The following LVRN variants were observed in gnomAD, a reference collection of about 807,000 sequenced individuals.
LVRN encodes laeverin, also known as aminopeptidase Q.
In LVRN, 99 loss-of-function variants were observed where a neutral mutation model predicts 111.4. That is an observed-to-expected ratio of 0.89 (90% CI 0.76 to 1.05). LVRN has a LOEUF of 1.05. LVRN is among the 50% of genes least tolerant of loss of function. The pLI, the probability that LVRN is intolerant of heterozygous loss-of-function variation, is 0.00. For synonymous variants in LVRN, 488 were observed against 449.5 expected (o/e 1.09, Z -1.08); for missense variants, 1,414 against 1,206.8 (o/e 1.17, Z -2.54).
At chr5:115,991,620 C>A (rs1326107155) in intron 4 of LVRN, among the ~76,000 whole-genome samples, 1 of 152,148 alleles carries the variant, frequency 6.6e-6, no homozygotes, top group African/African-American at 2.4e-5. Flanking sequence ...TTTTGCATCC[C>A]CACGAGCAAT....
chr5:115,993,372 T>G (rs1409960288), intron 5 of LVRN, among the ~76,000 whole-genome samples: 2 of 152,224 alleles, frequency 1.3e-5, no homozygotes, highest in Non-Finnish European at 2.9e-5. Context: ...TATAAGGTGC[T>G]AGAATTAGTA....
At chr5:116,017,618 AGATC>A (rs1438406583) in intron 18 of LVRN, among the ~76,000 whole-genome samples, 2 of 152,232 alleles carry the variant, frequency 1.3e-5, no homozygotes, top group African/African-American at 4.8e-5. Context: ...ATCTAGAATC[AGATC>A]AATCTTAGGA....
rs920381186 is a variant in LVRN at position 116,027,173 on chromosome 5, G to T, written c.*1055G>T. 1.3e-5 allele frequency: 2 copies of T among 152,122 alleles called. No individual in the cohort carries two copies. Among genetic ancestry groups the T allele is most frequent in the African/African-American group, 2.4e-5 (1 of 41,430 alleles). The allele number at this position is 152,122 out of a possible 1,614,324, so 9.4% of individuals were successfully genotyped here. ...GTTTTCTCATGCTTGATTAAAACAAGACAACTAAAGCTAATCATTCCTCTT... is the reference window on the plus strand; with the variant it reads ...GTTTTCTCATGCTTGATTAAAACAATACAACTAAAGCTAATCATTCCTCTT... On this transcript the variant is annotated 3_prime_UTR_variant, in exon 20 of 20. Coordinates refer to ENST00000357872, the MANE Select transcript of LVRN (RefSeq NM_173800.5).
chr5:116,005,254 A>G (rs920361834), intron 12 of LVRN, among the ~76,000 whole-genome samples: 5 of 152,244 alleles, frequency 3.3e-5, no homozygotes, highest in African/African-American at 7.2e-5. Context: ...TGAACCAAAC[A>G]TATCACAGTG....
In LVRN at chr5:116,001,205, G is replaced by A; in HGVS notation, c.1786G>A (p.Glu596Lys). ...GVMKQEPFYL[E>K]NIKNRTLLTS... is the part of the protein sequence containing the mutation. The stretch of plus-strand genomic sequence containing the variant: ...CATGAAACAGGAGCCATTTTATCTT[G>A]AAAACATTAAAAATCGGACTCTTCT... Residue 596 changes from glutamate (E) to lysine (K), a missense_variant, in exon 10 of 20, where the codon GAA becomes AAA. By Grantham distance (56) the Glu-to-Lys change is moderately conservative. Coordinates refer to ENST00000357872, the MANE Select transcript of LVRN (RefSeq NM_173800.5). The A allele has an allele frequency of 6.2e-7, 1 of 1,613,664 alleles. No individual in the cohort carries two copies. Among genetic ancestry groups the A allele is most frequent in the South Asian group, 1.1e-5 (1 of 90,948 alleles).
At position 115,984,639 on chromosome 5, in the gene LVRN, T is replaced by G. The variant is rs983564219; in HGVS notation, c.908T>G (p.Met303Arg). The stretch of plus-strand genomic sequence containing the variant: ...ACAACCTTTTCCACTACGCCCCACA[T>G]GCCAACTTACTTAGTCGCATTTGTT... The part of the protein sequence containing the change: ...TVTTFSTTPH[M>R]PTYLVAFVIC... The change falls in exon 3 of 20, where the codon ATG becomes AGG. Residue 303 changes from methionine (M) to arginine (R), a missense_variant. Met to Arg is a moderately conservative substitution (Grantham distance 91, BLOSUM62 -1). Transcript: ENST00000357872. 1 of 1,613,720 alleles carries G rather than the reference T, an allele frequency of 6.2e-7. No homozygotes were observed.
In LVRN at chr5:115,993,995, CT is replaced by C. The variant is rs1210139926; in HGVS notation, c.1374+146del. On this transcript the variant is annotated intron_variant, in intron 6 of 19. Coordinates refer to ENST00000357872, the MANE Select transcript of LVRN (RefSeq NM_173800.5). The stretch of plus-strand genomic sequence containing the variant: ...TAATACCAAAAATAATTTGTGTTAG[CT>C]TTTTGATATTTTTTTTTAATTCCAG... 6.3e-5 allele frequency: 31 copies of C among 491,062 alleles called. 1 individual carries two copies. The highest frequency in any genetic ancestry group is 4.4e-5 in the Non-Finnish European group (13 of 294,638). 30.4% of individuals were successfully genotyped at this position (491,062 alleles called of 1,614,324 possible).
chr5:115,974,350 C>A (rs7712233), intron 1 of LVRN, among the ~76,000 whole-genome samples: 85,489 of 152,018 alleles, frequency 0.56, 24,963 homozygotes, highest in East Asian at 0.74. Flanking sequence ...ATAGTAAAAG[C>A]GTAACACCTA....
In LVRN at chr5:116,022,410, A is replaced by T; in HGVS notation, c.2776A>T (p.Ile926Phe). ...VSKRYGTQSL[I>F]NLIYTIGRTV... ...TTGTAGGTATGGAACACAATCATTGATTAATCTAATATATACAATAGGGAG... is the reference window on the plus strand; with the variant it reads ...TTGTAGGTATGGAACACAATCATTGTTTAATCTAATATATACAATAGGGAG... Residue 926 changes from isoleucine to phenylalanine, a missense_variant, in exon 19 of 20, where the codon ATT (isoleucine) becomes TTT (phenylalanine). Physicochemically the swap from Ile to Phe is conservative, Grantham distance 21 (BLOSUM62 0). Coordinates refer to ENST00000357872, the MANE Select transcript of LVRN (RefSeq NM_173800.5). 1 of 1,581,736 alleles carries T rather than the reference A, an allele frequency of 6.3e-7. No individual in the cohort carries two copies. The highest frequency in any genetic ancestry group is 8.6e-7 in the Non-Finnish European group (1 of 1,157,502).
intron 10 of LVRN, among the ~76,000 whole-genome samples, 190 bp from the exon 11 acceptor site, chr5:116,002,642 AAAC>A (rs1748260903): frequency 6.6e-6 from 1 of 152,236 alleles, no homozygotes; most frequent in African/African-American, 2.4e-5. Context: ...AGAGAGGAGT[AAAC>A]AATAGCCAAA....
chr5:116,003,521 C>T, intron 12 of LVRN, 141 bp downstream of exon 12: 2 of 461,196 alleles, frequency 4.3e-6, no homozygotes, highest in South Asian at 6.0e-5. Flanking sequence ...ATTTTTTTTT[C>T]TTATTCTTAA....
intron 6 of LVRN, among the ~76,000 whole-genome samples, chr5:115,996,557 G>T (rs773107265): frequency 1.1e-4 from 16 of 152,278 alleles, no homozygotes; most frequent in Non-Finnish European, 1.6e-4. Flanking sequence ...CTAGTAATGT[G>T]ATTGAAATTG....
At chr5:115,968,437 C>CTT (rs5870675) in intron 1 of LVRN, among the ~76,000 whole-genome samples, 1 of 131,552 alleles carries the variant, frequency 7.6e-6, no homozygotes, top group Admixed American at 7.6e-5. Context: ...GTTCCCCACC[C>CTT]TTTTTTTTTT....
chr5:116,003,406 T>G, intron 12 of LVRN, 26 bp downstream of exon 12: 1 of 1,301,082 alleles, frequency 7.7e-7, no homozygotes, highest in Non-Finnish European at 1.0e-6. Context: ...ATACTTTTAA[T>G]TAAATATAAT....
chr5:115,967,393 A>C (rs1326752264), intron 1 of LVRN, among the ~76,000 whole-genome samples: 8 of 152,196 alleles, frequency 5.3e-5, no homozygotes, highest in Non-Finnish European at 1.5e-5. Context: ...TGAAAAGAGT[A>C]TCCTCCCACT....
chr5:116,003,730 T>C (rs966740861), intron 12 of LVRN, among the ~76,000 whole-genome samples: 100 of 152,050 alleles, frequency 6.6e-4, no homozygotes, highest in South Asian at 3.5e-3. Flanking sequence ...TACAGGCGCC[T>C]GCCACCACGC....
intron 1 of LVRN, among the ~76,000 whole-genome samples, chr5:115,982,217 C>T (rs987544373): frequency 6.6e-6 from 1 of 152,156 alleles, no homozygotes; most frequent in Non-Finnish European, 1.5e-5. Context: ...TTTGCACGTG[C>T]CAACCGTCCT....
rs1190168747 is a variant in LVRN, at chr5:115,992,265, G to C, written c.1248G>C (p.Glu416Asp). ...TGATCTCCTATGTTGTCTCCCACGA[G>C]ATTGGACACCAGGCATGTGGTAAAA... Reference protein sequence around the residue: ...KTLISYVVSHEIGHQWFGNLV... With the variant: ...KTLISYVVSHDIGHQWFGNLV... Residue 416 changes from glutamate to aspartate, a missense_variant, in exon 5 of 20, where the codon GAG (glutamate) becomes GAC (aspartate). Coordinates refer to ENST00000357872, the MANE Select transcript of LVRN (RefSeq NM_173800.5). 6.2e-7 allele frequency: 1 copy of C among 1,613,666 alleles called. No homozygotes were observed. Among genetic ancestry groups the C allele is most frequent in the Non-Finnish European group, 8.5e-7 (1 of 1,179,860 alleles).
chr5:116,014,524 ATGAG>A lies in LVRN; in HGVS notation c.2449_2450+2del, dbSNP rs749248582. The stretch of plus-strand genomic sequence containing the variant: ...GCAAAATGGGTGGATCATCCAGAAA[ATGAG>A]TAAGAGTAATATCATAATTCCTCTT... On this transcript the variant is annotated splice_donor_variant and coding_sequence_variant, in exon 16 of 20. Transcript: ENST00000357872. LOFTEE classifies it high-confidence loss of function. 3.1e-6 allele frequency: 5 copies of A among 1,611,224 alleles called. No individual in the cohort carries two copies. The South Asian group carries it at 5.5e-5, about 18-fold the overall frequency.
Sources: allele counts gnomAD v4.1 joint callset (sites outside exome capture counted in the v4.1 genomes callset), GRCh38; gene constraint gnomAD v4.1.1; transcripts MANE v1.5; gene names NCBI Gene and HGNC (gene_info 2026-07-23, HGNC 2026-07-21).